SORCS1: variants seen among roughly 807,000 people sequenced by gnomAD.
SORCS1 encodes sortilin related VPS10 domain containing receptor 1.
A neutral mutation model predicts 146.1 loss-of-function variants in SORCS1; 60 were observed. The ratio of observed to expected loss-of-function variants is 0.41; its 90% CI spans 0.33 to 0.51. The LOEUF is 0.51. Ranked by LOEUF, SORCS1 falls within the 20% of genes least tolerant of loss-of-function variation. The probability of loss-of-function intolerance (pLI) is 0.21; values close to 1 mark genes in which losing one functional copy is unlikely to be tolerated. For synonymous variants in SORCS1, 637 were observed against 584.0 expected, an observed-to-expected ratio of 1.09 and a Z score of -1.31; for missense variants, 1,352 against 1,487.6, an observed-to-expected ratio of 0.91 and a Z score of 1.50.
chr10:107,148,673 G>A (rs1968529504), intron 1 of SORCS1, among the ~76,000 whole-genome samples: 1 of 152,212 alleles, frequency 6.6e-6, no homozygotes, highest in Non-Finnish European at 1.5e-5. Flanking sequence ...TTTAAGTTGA[G>A]TAAGAGGTAC....
intron 2 of SORCS1, among the ~76,000 whole-genome samples, chr10:106,926,570 A>T (rs1370606970): frequency 6.6e-6 from 1 of 152,196 alleles, no homozygotes; most frequent in African/African-American, 2.4e-5. Flanking sequence ...AGGCTCATAA[A>T]ACTGCCATTT....
At chr10:106,952,676 C>T (rs145716445) in intron 2 of SORCS1, among the ~76,000 whole-genome samples, 1 of 150,812 alleles carries the variant, frequency 6.6e-6, no homozygotes, top group East Asian at 1.9e-4. Context: ...TGTGTCATTC[C>T]TATTAAAGTA....
At chr10:106,764,234 C>T (rs1021329345) in intron 4 of SORCS1, among the ~76,000 whole-genome samples, 40 of 152,204 alleles carry the variant, frequency 2.6e-4, no homozygotes, top group Admixed American at 2.3e-3. Context: ...ATATTCTCCA[C>T]CTACTACTTC....
In SORCS1 at chr10:106,723,686, G is replaced by A. The variant is rs374656437; in HGVS notation, c.1024+6364C>T. Among the ~76,000 whole-genome samples, 164 of 152,294 alleles carry A rather than the reference G, an allele frequency of 1.1e-3. 1 individual carries two copies. The highest frequency in any genetic ancestry group is 8.1e-3 in the South Asian group (39 of 4,830). On this transcript the variant is annotated intron_variant, in intron 6 of 25. Coordinates refer to ENST00000263054, the MANE Select transcript of SORCS1 (RefSeq NM_052918.5). ...AGAGGATAGTTGGTAAGAAACATCA[G>A]TGCCAACCATAGACTCTCACAGAAC...
chr10:106,878,292 G>T (rs958397298), intron 2 of SORCS1, among the ~76,000 whole-genome samples: 2 of 151,610 alleles, frequency 1.3e-5, no homozygotes, highest in African/African-American at 4.8e-5. Context: ...AATAATTCGG[G>T]ATATACATAC....
chr10:106,777,276 C>A (rs1388661274), intron 3 of SORCS1, among the ~76,000 whole-genome samples: 1 of 152,188 alleles, frequency 6.6e-6, no homozygotes, highest in African/African-American at 2.4e-5. Flanking sequence ...TCATCACCTT[C>A]TAGCCTACTA....
At chr10:106,947,669 C>A (rs993489859) in intron 2 of SORCS1, among the ~76,000 whole-genome samples, 2 of 152,076 alleles carry the variant, frequency 1.3e-5, no homozygotes, top group African/African-American at 4.8e-5. Flanking sequence ...CATGGTGAAA[C>A]CCTGTCTCTA....
chr10:107,146,329 C>T (rs1241788721), intron 1 of SORCS1, among the ~76,000 whole-genome samples: 1 of 152,124 alleles, frequency 6.6e-6, no homozygotes, highest in African/African-American at 2.4e-5. Context: ...CAGCACTCCA[C>T]CTATTGCCTA....
At chr10:107,041,264 G>A (rs1015965076) in intron 1 of SORCS1, among the ~76,000 whole-genome samples, 3 of 152,028 alleles carry the variant, frequency 2.0e-5, no homozygotes, top group African/African-American at 7.2e-5. Flanking sequence ...ATTGGAAACA[G>A]GGTCTCTCTT....
Position 107,164,415 on chromosome 10 carries a change from AGCAGGAGCCGCCGCC to A in SORCS1, c.97_111del (p.Gly33_Cys37del), listed in dbSNP as rs1969954409. 12 of 1,414,188 alleles carry A rather than the reference AGCAGGAGCCGCCGCC, an allele frequency of 8.5e-6. No homozygotes were observed. The East Asian group carries it at 1.9e-4, about 22-fold the overall frequency. 87.6% of individuals were successfully genotyped at this position (1,414,188 alleles called of 1,614,324 possible). A position where few individuals can be genotyped will look rare whatever the true frequency, so the allele number is the denominator to read the frequency against. On this transcript the variant is annotated inframe_deletion, in exon 1 of 26. Transcript: ENST00000263054. This position sits in a 1 kb window ranked among gnomAD's most constrained non-coding sequence, Gnocchi z 6.8. ...GCGGAGCTGGGGTGCGGCGAGGGGCAGCAGGAGCCGCCGCCGCAGACGCCCGGGGCGCAGAGGATC... is the reference window on the plus strand; with the variant it reads ...GCGGAGCTGGGGTGCGGCGAGGGGCAGCAGACGCCCGGGGCGCAGAGGATC...
chr10:106,596,171 C>T (rs183234278), intron 24 of SORCS1, among the ~76,000 whole-genome samples: 2 of 152,272 alleles, frequency 1.3e-5, no homozygotes, highest in African/African-American at 4.8e-5. Context: ...CGTAGTCTCT[C>T]TCTCTATAAG....
intron 2 of SORCS1, among the ~76,000 whole-genome samples, chr10:106,938,980 T>C (rs1213589299): frequency 6.6e-6 from 1 of 152,234 alleles, no homozygotes; most frequent in Non-Finnish European, 1.5e-5. Flanking sequence ...ACTGTGTTTT[T>C]GTAACCCTAA....
intron 2 of SORCS1, among the ~76,000 whole-genome samples, chr10:106,900,913 G>A (rs144307523): frequency 6.6e-6 from 1 of 152,276 alleles, no homozygotes; most frequent in African/African-American, 2.4e-5. Flanking sequence ...TCATTGAAAG[G>A]ACAATCTATC....
intron 2 of SORCS1, among the ~76,000 whole-genome samples, chr10:106,879,143 C>A (rs1431674076): frequency 9.0e-6 from 1 of 111,076 alleles, no homozygotes; most frequent in Non-Finnish European, 1.8e-5. Flanking sequence ...GAGTGAGACT[C>A]CATCAAAAAA....
At chr10:107,044,728 C>T (rs1327599327) in intron 1 of SORCS1, among the ~76,000 whole-genome samples, 2 of 146,586 alleles carry the variant, frequency 1.4e-5, no homozygotes, top group Non-Finnish European at 3.0e-5. Flanking sequence ...GAGGCTGAGG[C>T]AGGAGAATCG....
At position 106,575,777 on chromosome 10, in the gene SORCS1, T is replaced by C. The variant is rs1192836136; in HGVS notation, c.*1643A>G. ...ACCCTAATGTAAGACAAGACCCCCA[T>C]TTATTCTCTCAGACTGTTTGACACT... On this transcript the variant is annotated 3_prime_UTR_variant, in exon 26 of 26. Coordinates refer to ENST00000263054, the MANE Select transcript of SORCS1 (RefSeq NM_052918.5). The C allele has an allele frequency of 6.6e-6, 1 of 152,662 alleles. No homozygotes were observed. The highest frequency in any genetic ancestry group is 6.5e-5 in the Admixed American group (1 of 15,280). The allele number at this position is 152,662 out of a possible 1,614,324, so 9.5% of individuals were successfully genotyped here.
intron 2 of SORCS1, among the ~76,000 whole-genome samples, chr10:106,949,818 A>G (rs982573408): frequency 2.0e-5 from 3 of 152,196 alleles, no homozygotes; most frequent in Non-Finnish European, 4.4e-5. Context: ...GGCAACCTCT[A>G]AGATAGACAG....
At chr10:106,978,316 G>C (rs1365762132) in intron 1 of SORCS1, among the ~76,000 whole-genome samples, 2 of 152,096 alleles carry the variant, frequency 1.3e-5, no homozygotes, top group African/African-American at 4.8e-5. Context: ...AAAAGATAGA[G>C]GATGGCCTTT....
intron 2 of SORCS1, among the ~76,000 whole-genome samples, chr10:106,854,424 G>A (rs1182815248): frequency 8.6e-5 from 13 of 151,712 alleles, no homozygotes; most frequent in Admixed American, 8.5e-4. Flanking sequence ...TGTCTTAATT[G>A]GTATATTTAG....
Sources: gnomAD v4.1 joint callset for allele counts (sites outside exome capture counted in the v4.1 genomes callset) on GRCh38, gnomAD v4.1.1 for gene constraint, Gnocchi (gnomAD v3.1) non-coding constraint, MANE v1.5 for transcripts, NCBI Gene and HGNC (gene_info 2026-07-23, HGNC 2026-07-21) for gene names.